The following PIAS2 variants were observed in gnomAD, a reference collection of about 807,000 sequenced individuals.
PIAS2 encodes protein inhibitor of activated STAT 2.
Under a neutral mutation model 69.7 loss-of-function variants are expected in PIAS2, and 19 were observed. The observed-to-expected ratio is 0.27, with a 90% CI of 0.19 to 0.40. The LOEUF (loss-of-function observed/expected upper bound fraction) is 0.40. Among genes scored for constraint, PIAS2 ranks in the 10% least tolerant of loss-of-function variants. PIAS2 has a pLI of 1.00. For missense variants in PIAS2, 624 were observed against 757.0 expected, an observed-to-expected ratio of 0.82 and a Z score of 2.06; for synonymous variants, 261 against 263.2, an observed-to-expected ratio of 0.99 and a Z score of 0.08.
At chr18:46,885,582 G>C (rs906628129) in intron 2 of PIAS2, among the ~76,000 whole-genome samples, 8 of 151,726 alleles carry the variant, frequency 5.3e-5, no homozygotes, top group African/African-American at 1.5e-4. Flanking sequence ...TACAGCTACT[G>C]GTTTCAAAAT....
chr18:46,867,364 T>C (rs771256725), intron 2 of PIAS2, among the ~76,000 whole-genome samples: 10 of 152,238 alleles, frequency 6.6e-5, no homozygotes, highest in Admixed American at 2.0e-4. Context: ...TGTATTAACA[T>C]TGACAGTTCT....
Position 46,808,315 on chromosome 18 carries a change from T to G in PIAS2, c.*4118A>C, listed in dbSNP as rs1217722128. On this transcript the variant is annotated 3_prime_UTR_variant, in exon 14 of 14. Coordinates refer to ENST00000585916, the MANE Select transcript of PIAS2 (RefSeq NM_004671.5). ...AATTAATTGTTATACTTTTCTGTAT[T>G]GTCTAAATTTTCCACAATAAGCATG... 2.6e-5 allele frequency: 4 copies of G among 152,240 alleles called. No homozygotes were observed. The highest frequency in any genetic ancestry group is 5.9e-5 in the Non-Finnish European group (4 of 68,038). The allele number at this position is 152,240 out of a possible 1,614,324, so 9.4% of individuals were successfully genotyped here.
intron 5 of PIAS2, chr18:46,852,835 C>G (rs2047169902): frequency 6.6e-6 from 1 of 152,406 alleles, no homozygotes; most frequent in African/African-American, 2.4e-5. Flanking sequence ...TCACACATTT[C>G]AGATGCAGCT....
In PIAS2 at chr18:46,865,194, T is replaced by G. The variant is rs192983250; in HGVS notation, c.500-946A>C. 3.3e-3 allele frequency among the ~76,000 whole-genome samples: 506 copies of G among 152,180 alleles called. 3 individuals carry two copies. Among genetic ancestry groups the G allele is most frequent in the Middle Eastern group, 0.024 (7 of 294 alleles). ...TAAAACAAACAAAAAAGTTAATATA[T>G]ATAGAGGCCTCAAGTCTTTTGCTTC... On this transcript the variant is annotated intron_variant, in intron 2 of 13. Transcript: ENST00000585916.
chr18:46,890,410 G>A (rs1323110592), intron 2 of PIAS2, among the ~76,000 whole-genome samples, 170 bp downstream of exon 2: 1 of 152,160 alleles, frequency 6.6e-6, no homozygotes, highest in Non-Finnish European at 1.5e-5. Flanking sequence ...ATGAAATAAA[G>A]CTTCTATTAG....
intron 2 of PIAS2, among the ~76,000 whole-genome samples, chr18:46,873,175 A>G (rs6507709): frequency 0.56 from 84,641 of 152,060 alleles, 24,083 homozygotes; most frequent in African/African-American, 0.66. Context: ...ATCAGGTTAG[A>G]ACAATCTTAA....
At chr18:46,876,882 A>G (rs2051297838) in intron 2 of PIAS2, among the ~76,000 whole-genome samples, 1 of 151,892 alleles carries the variant, frequency 6.6e-6, no homozygotes, top group Non-Finnish European at 1.5e-5. Flanking sequence ...TTGTATTTTT[A>G]GTAGAGATGG....
chr18:46,836,879 AAAGAAATATTTT>A (rs1459405851), intron 8 of PIAS2, among the ~76,000 whole-genome samples: 1 of 152,176 alleles, frequency 6.6e-6, no homozygotes, highest in African/African-American at 2.4e-5. Context: ...GTGTGTATTT[AAAGAAATATTTT>A]CCCAGGAATG....
At chr18:46,918,336 A>C (rs778445931), upstream of PIAS2, among the ~76,000 whole-genome samples, 16 of 152,104 alleles carry the variant, frequency 1.1e-4, no homozygotes, top group Non-Finnish European at 1.9e-4. Flanking sequence ...TCTTTAAAAC[A>C]ATGTAACTTT....
upstream of PIAS2, chr18:46,917,558 G>T (rs2058130189): frequency 9.0e-7 from 1 of 1,115,830 alleles, no homozygotes; most frequent in Non-Finnish European, 1.1e-6. Flanking sequence ...GCCCCTAGCG[G>T]TGCCCCCTGC....
At chr18:46,823,779 T>C (rs565332263) in intron 11 of PIAS2, among the ~76,000 whole-genome samples, 1 of 152,316 alleles carries the variant, frequency 6.6e-6, no homozygotes, top group East Asian at 1.9e-4. Context: ...CAACTTTACA[T>C]AGAATGGCTT....
intron 2 of PIAS2, among the ~76,000 whole-genome samples, chr18:46,875,298 G>A (rs2050989739): frequency 6.6e-6 from 1 of 152,164 alleles, no homozygotes; most frequent in Non-Finnish European, 1.5e-5. Flanking sequence ...CACCCAATAT[G>A]GAGGATGGAC....
At chr18:46,821,425 A>C (rs1235211401) in intron 11 of PIAS2, among the ~76,000 whole-genome samples, 1 of 152,188 alleles carries the variant, frequency 6.6e-6, no homozygotes, top group Non-Finnish European at 1.5e-5. Flanking sequence ...TTATCTATAA[A>C]GAAATTTAAA....
chr18:46,823,071 T>C (rs1467405186), intron 11 of PIAS2, among the ~76,000 whole-genome samples: 1 of 78,740 alleles, frequency 1.3e-5, no homozygotes, highest in Non-Finnish European at 2.7e-5. Context: ...ACCTTGTATC[T>C]ACAAAAAAAA....
intron 1 of PIAS2, among the ~76,000 whole-genome samples, chr18:46,904,404 T>C (rs904759731): frequency 7.9e-5 from 12 of 151,934 alleles, no homozygotes; most frequent in African/African-American, 2.4e-4. Context: ...GACACAAAAA[T>C]GTAACGGTGA....
chr18:46,851,176 A>G (rs2145360828), intron 5 of PIAS2, among the ~76,000 whole-genome samples: 1 of 152,310 alleles, frequency 6.6e-6, no homozygotes, highest in East Asian at 1.9e-4. Context: ...GGGAACATAA[A>G]TCCATGAACT....
At chr18:46,843,191 G>C (rs2045675721) in intron 8 of PIAS2, among the ~76,000 whole-genome samples, 1 of 152,160 alleles carries the variant, frequency 6.6e-6, no homozygotes, top group South Asian at 2.1e-4. Context: ...ACACAGGTTT[G>C]CTAAGACAGT....
At chr18:46,887,257 T>C (rs1418197558) in intron 2 of PIAS2, among the ~76,000 whole-genome samples, 2 of 140,188 alleles carry the variant, frequency 1.4e-5, no homozygotes, top group East Asian at 2.0e-4. Context: ...AAGCAAAAAA[T>C]TGAAAAAAAA....
At chr18:46,892,676 A>G (rs569507882) in intron 1 of PIAS2, among the ~76,000 whole-genome samples, 19 of 152,062 alleles carry the variant, frequency 1.2e-4, no homozygotes, top group Non-Finnish European at 2.8e-4. Flanking sequence ...CAGGAGACTG[A>G]GGCGAGAGGA....
Sources: allele counts gnomAD v4.1 joint callset (sites outside exome capture counted in the v4.1 genomes callset), GRCh38; gene constraint gnomAD v4.1.1; transcripts MANE v1.5; gene names NCBI Gene and HGNC (gene_info 2026-07-23, HGNC 2026-07-21).